The following OPRD1 variants were observed in gnomAD, a reference collection of about 807,000 sequenced individuals.
The protein encoded by OPRD1 is delta-type opioid receptor.
A neutral mutation model predicts 17.5 loss-of-function variants in OPRD1; 19 were observed. The observed-to-expected ratio is 1.09, with a 90% CI of 0.76 to 1.60. The LOEUF (loss-of-function observed/expected upper bound fraction) is 1.60, where lower values mean the gene tolerates loss of function less well. Ranked by LOEUF, OPRD1 falls within the 40% of genes most tolerant of loss-of-function variation. The pLI is 0.00. For missense variants in OPRD1, 483 were observed against 547.2 expected (o/e 0.88, Z 1.17); for synonymous variants, 256 against 240.9 (o/e 1.06, Z -0.58).
chr1:28,831,557 G>A (rs182039625), intron 1 of OPRD1, among the ~76,000 whole-genome samples: 1 of 151,812 alleles, frequency 6.6e-6, no homozygotes, highest in Admixed American at 6.6e-5. Flanking sequence ...TACTGACTCG[G>A]TCGGAGTTAA....
chr1:28,819,786 G>A (rs765078851), intron 1 of OPRD1, among the ~76,000 whole-genome samples: 8 of 152,166 alleles, frequency 5.3e-5, no homozygotes, highest in African/African-American at 9.7e-5. Context: ...TGCTGGGGAC[G>A]TCTAGGTAGA....
intron 1 of OPRD1, among the ~76,000 whole-genome samples, chr1:28,852,066 C>T (rs1333103286): frequency 6.8e-6 from 1 of 146,888 alleles, no homozygotes; most frequent in Non-Finnish European, 1.5e-5. Context: ...ACTTGGGAGG[C>T]TGAGGCAGGA....
At chr1:28,821,487 CT>C (rs1183731219) in intron 1 of OPRD1, among the ~76,000 whole-genome samples, 1 of 152,062 alleles carries the variant, frequency 6.6e-6, no homozygotes, top group Non-Finnish European at 1.5e-5. Context: ...ATCCTCCCAC[CT>C]TGGCCTCCGA....
chr1:28,858,605 G>T (rs144634501), intron 1 of OPRD1, among the ~76,000 whole-genome samples: 2,385 of 150,250 alleles, frequency 0.016, 25 homozygotes, highest in Admixed American at 0.028. Flanking sequence ...AAGTGCAATG[G>T]CGCAATCTCG....
chr1:28,847,269 C>A (rs1440460317), intron 1 of OPRD1, among the ~76,000 whole-genome samples: 1 of 152,128 alleles, frequency 6.6e-6, no homozygotes, highest in African/African-American at 2.4e-5. Flanking sequence ...CCAGGCTGGT[C>A]TTAAACTCCT....
intron 1 of OPRD1, among the ~76,000 whole-genome samples, chr1:28,817,233 C>T (rs1215535079): frequency 6.6e-6 from 1 of 152,190 alleles, no homozygotes; most frequent in Non-Finnish European, 1.5e-5. Flanking sequence ...CTCACTGCAC[C>T]TGTCTTCATC....
chr1:28,825,306 G>A (rs760895730), intron 1 of OPRD1, among the ~76,000 whole-genome samples: 2 of 152,176 alleles, frequency 1.3e-5, no homozygotes, highest in South Asian at 2.1e-4. Context: ...CTCTCCTTGT[G>A]TCTCTTTGCA....
intron 1 of OPRD1, among the ~76,000 whole-genome samples, chr1:28,843,909 A>T (rs1392311057): frequency 6.6e-6 from 1 of 152,210 alleles, no homozygotes; most frequent in African/African-American, 2.4e-5. Flanking sequence ...CAATGGATAT[A>T]TGGGTTGCTT....
intron 1 of OPRD1, among the ~76,000 whole-genome samples, chr1:28,854,980 G>A (rs2089043494): frequency 6.6e-6 from 1 of 152,186 alleles, no homozygotes; most frequent in Non-Finnish European, 1.5e-5. Flanking sequence ...GGCACTGCTG[G>A]TAGGCCCAAG....
rs1458883646 is a variant in OPRD1 at position 28,867,285 on chromosome 1, A to G, written c.*4002A>G. 1 of 149,576 alleles carries G rather than the reference A, an allele frequency of 6.7e-6. No homozygotes were observed. The highest frequency in any genetic ancestry group is 2.5e-5 in the African/African-American group (1 of 40,428). 9.3% of individuals were successfully genotyped at this position (149,576 alleles called of 1,614,324 possible). On this transcript the variant is annotated 3_prime_UTR_variant, in exon 3 of 3. Transcript: ENST00000234961. The stretch of plus-strand genomic sequence containing the variant: ...AGTGGCACCATCTCGGCTCATTGCA[A>G]CCTCCGCCTCCTGGGTTCAAGTCAT...
chr1:28,835,631 C>T (rs2088845541), intron 1 of OPRD1, among the ~76,000 whole-genome samples: 1 of 152,198 alleles, frequency 6.6e-6, no homozygotes, highest in African/African-American at 2.4e-5. Context: ...CCCAGCTGGA[C>T]CCCGGCTGAC....
chr1:28,846,846 T>TTTCTTTCTTTCTTTCTTTCTTTC (rs769212543), intron 1 of OPRD1, among the ~76,000 whole-genome samples: 2 of 76,912 alleles, frequency 2.6e-5, no homozygotes, highest in Admixed American at 1.4e-4. Context: ...TCTTTCTTTC[T>TTTCTTTCTTTCTTTCTTTCTTTC]TTTCTTTCTT....
In OPRD1 at chr1:28,812,420, C is replaced by T. The variant is rs1347775259; in HGVS notation, c.37C>T (p.Pro13Ser). The change falls in exon 1 of 3, where the codon CCC becomes TCC. Residue 13 changes from proline (P) to serine (S), a missense_variant. By Grantham distance (74) the Pro-to-Ser change is moderately conservative (BLOSUM62 -1). Transcript: ENST00000234961. ...PAPSAGAELQ[P>S]PLFANASDAY... Reference sequence around the variant, plus strand: ...CCCCTCCGCCGGCGCCGAGCTGCAGCCCCCGCTCTTCGCCAACGCCTCGGA... The same window carrying T: ...CCCCTCCGCCGGCGCCGAGCTGCAGTCCCCGCTCTTCGCCAACGCCTCGGA... 3.4e-6 allele frequency: 5 copies of T among 1,484,418 alleles called. No individual in the cohort carries two copies. Among genetic ancestry groups the T allele is most frequent in the Non-Finnish European group, 3.6e-6 (4 of 1,124,152 alleles). 92.0% of individuals were successfully genotyped at this position (1,484,418 alleles called of 1,614,324 possible).
At chr1:28,855,168 T>C (rs1238598571) in intron 1 of OPRD1, among the ~76,000 whole-genome samples, 1 of 151,896 alleles carries the variant, frequency 6.6e-6, no homozygotes, top group Non-Finnish European at 1.5e-5. Flanking sequence ...GTACTTTAGA[T>C]AGAGTGGTCA....
intron 1 of OPRD1, among the ~76,000 whole-genome samples, chr1:28,832,881 T>A (rs2088821023): frequency 6.6e-6 from 1 of 152,180 alleles, no homozygotes. Context: ...ATTTCTTTGC[T>A]GGGGAGCTGG....
chr1:28,847,421 A>G (rs2124281399), intron 1 of OPRD1, among the ~76,000 whole-genome samples: 1 of 152,252 alleles, frequency 6.6e-6, no homozygotes, highest in African/African-American at 2.4e-5. Flanking sequence ...TCCAGCCCAA[A>G]TTGACATGAG....
chr1:28,839,979 T>C (rs559876455), intron 1 of OPRD1, among the ~76,000 whole-genome samples: 154 of 152,312 alleles, frequency 1.0e-3, no homozygotes, highest in African/African-American at 3.5e-3. Flanking sequence ...TGCTCATTAC[T>C]GAGGATCAGG....
At position 28,814,568 on chromosome 1, in the gene OPRD1, G is replaced by A. The variant is rs545969997; in HGVS notation, c.227+1958G>A. ...CTCCAGGTGCCCAAGTCTGGAAAAAGCCGAGCGTCGGTGTGTTCAGTCTCA... is the reference window on the plus strand; with the variant it reads ...CTCCAGGTGCCCAAGTCTGGAAAAAACCGAGCGTCGGTGTGTTCAGTCTCA... On this transcript the variant is annotated intron_variant, in intron 1 of 2. Transcript: ENST00000234961. 3.9e-5 allele frequency among the ~76,000 whole-genome samples: 6 copies of A among 152,322 alleles called. No homozygotes were observed. In the East Asian group the frequency reaches 5.8e-4, roughly 15 times the overall value.
At chr1:28,827,927 G>A (rs2088780069) in intron 1 of OPRD1, among the ~76,000 whole-genome samples, 2 of 151,474 alleles carry the variant, frequency 1.3e-5, no homozygotes, top group Admixed American at 6.6e-5. Context: ...TTGTAGAGCC[G>A]GAGTTTCTGT....
Sources: gnomAD v4.1 joint callset for allele counts (sites outside exome capture counted in the v4.1 genomes callset) on GRCh38, gnomAD v4.1.1 for gene constraint, MANE v1.5 for transcripts, NCBI Gene and HGNC (gene_info 2026-07-23, HGNC 2026-07-21) for gene names.